MIR2052HG: variants seen among roughly 807,000 people sequenced by gnomAD.
MIR2052HG encodes MIR2052 host gene.
rs560978952 is a variant in MIR2052HG at position 74,641,722 on chromosome 8, A to G, written n.216+28782A>G. 2.0e-5 allele frequency among the ~76,000 whole-genome samples: 3 copies of G among 152,294 alleles called. No individual in the cohort carries two copies. In the South Asian group the frequency reaches 6.2e-4, roughly 32 times the overall value. On this transcript the variant is annotated intron_variant and non_coding_transcript_variant, in intron 2 of 6. Transcript: ENST00000523442. ...TTTGTGTTTGAATAATTCCGCATCA[A>G]TATACATGAACCTGTTTATCCTCAT... is the stretch of plus-strand genomic sequence containing the variant.
At chr8:74,669,909 ACT>A (rs1808972311) in intron 2 of MIR2052HG, among the ~76,000 whole-genome samples, 1 of 151,974 alleles carries the variant, frequency 6.6e-6, no homozygotes, top group African/African-American at 2.4e-5. Context: ...TCATGTTGAA[ACT>A]CTGACTCCAG....
chr8:74,742,473 G>T (rs1218397762), intron 4 of MIR2052HG, among the ~76,000 whole-genome samples: 1 of 151,946 alleles, frequency 6.6e-6, no homozygotes, highest in Admixed American at 6.6e-5. Context: ...ATTATATCTG[G>T]TTAGTTGTTG....
chr8:74,646,764 T>C (rs1269681184), intron 2 of MIR2052HG, among the ~76,000 whole-genome samples: 1 of 151,928 alleles, frequency 6.6e-6, no homozygotes, highest in Admixed American at 6.6e-5. Flanking sequence ...CCTTTCTATA[T>C]GAAAATTAAA....
intron 4 of MIR2052HG, among the ~76,000 whole-genome samples, chr8:74,745,939 A>T (rs1809880911): frequency 6.6e-6 from 1 of 152,150 alleles, no homozygotes; most frequent in South Asian, 2.1e-4. Flanking sequence ...TGAAGTCAAC[A>T]CTAATATTAT....
At chr8:74,616,197 C>T (rs1038774022) in intron 2 of MIR2052HG, among the ~76,000 whole-genome samples, 1 of 151,868 alleles carries the variant, frequency 6.6e-6, no homozygotes, top group Non-Finnish European at 1.5e-5. Context: ...CACTGTCTTC[C>T]ATAATGGTTG....
intron 1 of MIR2052HG, among the ~76,000 whole-genome samples, chr8:74,601,129 T>G (rs1807994274): frequency 6.6e-6 from 1 of 152,210 alleles, no homozygotes; most frequent in Admixed American, 6.5e-5. Flanking sequence ...TCAGCCAATT[T>G]GTTTTCTTTC....
At chr8:74,599,834 C>CGCCTT in exon 1 of MIR2052HG, 1 of 157,934 alleles carries the variant, frequency 6.3e-6, no homozygotes, top group East Asian at 1.9e-4. Context: ...GCCTCGCTGC[C>CGCCTT]GCCTTGCAGT....
At chr8:74,721,017 G>A (rs1809572596) in intron 4 of MIR2052HG, among the ~76,000 whole-genome samples, 1 of 152,156 alleles carries the variant, frequency 6.6e-6, no homozygotes, top group Admixed American at 6.5e-5. Context: ...ATGAGATTCA[G>A]GTGAGGACAC....
chr8:74,634,739 G>A (rs1278627382), intron 2 of MIR2052HG, among the ~76,000 whole-genome samples: 2 of 152,040 alleles, frequency 1.3e-5, no homozygotes, highest in Non-Finnish European at 1.5e-5. Flanking sequence ...TAAGACCACT[G>A]TATACAATCA....
intron 2 of MIR2052HG, among the ~76,000 whole-genome samples, chr8:74,671,566 G>T (rs181165102): frequency 6.6e-6 from 1 of 152,182 alleles, no homozygotes; most frequent in East Asian, 1.9e-4. Context: ...CTCATCTGGA[G>T]ATATAAAAAT....
intron 4 of MIR2052HG, among the ~76,000 whole-genome samples, chr8:74,719,868 A>C (rs1403267917): frequency 4.3e-5 from 1 of 23,358 alleles, no homozygotes; most frequent in Non-Finnish European, 8.2e-5. Context: ...TTTTTTTTTG[A>C]GAGGGAGTCT....
At chr8:74,671,043 G>A (rs1180113282) in intron 2 of MIR2052HG, among the ~76,000 whole-genome samples, 2 of 151,864 alleles carry the variant, frequency 1.3e-5, no homozygotes, top group Non-Finnish European at 2.9e-5. Context: ...ATGTAGACAA[G>A]TGATCTCTAA....
intron 2 of MIR2052HG, among the ~76,000 whole-genome samples, chr8:74,613,325 C>T (rs1404750670): frequency 2.0e-5 from 3 of 152,122 alleles, no homozygotes; most frequent in African/African-American, 7.2e-5. Flanking sequence ...CTATAATATT[C>T]TTGATATTCA....
chr8:74,626,696 G>C (rs1808441126), intron 2 of MIR2052HG, among the ~76,000 whole-genome samples: 1 of 152,160 alleles, frequency 6.6e-6, no homozygotes, highest in African/African-American at 2.4e-5. Flanking sequence ...ATCTCTTTCT[G>C]TATTTTTTGA....
intron 4 of MIR2052HG, among the ~76,000 whole-genome samples, chr8:74,747,262 G>A (rs977541464): frequency 3.3e-5 from 5 of 152,264 alleles, no homozygotes; most frequent in African/African-American, 4.8e-5. Context: ...GGAAAGCAAC[G>A]TAACTGTTTC....
intron 2 of MIR2052HG, among the ~76,000 whole-genome samples, chr8:74,673,885 T>G (rs1324859001): frequency 3.0e-5 from 2 of 65,886 alleles, no homozygotes; most frequent in African/African-American, 3.1e-4. Context: ...CAGTATTTTT[T>G]TGTATATATA....
At chr8:74,619,340 G>C (rs1416975859) in intron 2 of MIR2052HG, among the ~76,000 whole-genome samples, 1 of 152,126 alleles carries the variant, frequency 6.6e-6, no homozygotes, top group Non-Finnish European at 1.5e-5. Flanking sequence ...AACAGAGCTG[G>C]AGGCATCACA....
intron 2 of MIR2052HG, among the ~76,000 whole-genome samples, chr8:74,656,394 G>A (rs1808806598): frequency 6.6e-6 from 1 of 152,078 alleles, no homozygotes; most frequent in African/African-American, 2.4e-5. Context: ...TGTTGTGGGA[G>A]GGACACAGTA....
intron 2 of MIR2052HG, among the ~76,000 whole-genome samples, chr8:74,625,507 T>C (rs1563516450): frequency 6.6e-6 from 1 of 152,232 alleles, no homozygotes; most frequent in Non-Finnish European, 1.5e-5. Flanking sequence ...TAAATGTAGA[T>C]TTTACCAAAA....
Sources: allele counts gnomAD v4.1 joint callset (sites outside exome capture counted in the v4.1 genomes callset), GRCh38; gene constraint gnomAD v4.1.1; transcripts MANE v1.5; gene names NCBI Gene and HGNC (gene_info 2026-07-23, HGNC 2026-07-21).